Variants in NINL observed in about 807,000 individuals in gnomAD.
NINL encodes ninein like.
Under a neutral mutation model 160.3 loss-of-function variants are expected in NINL, and 153 were observed. The observed-to-expected ratio is 0.95, with a 90% confidence interval of 0.84 to 1.09. The LOEUF is 1.09. Among genes scored for constraint, NINL ranks in the 50% least tolerant of loss-of-function variants. The pLI is 0.00. For missense variants in NINL, 1,829 were observed against 1,764.0 expected, an observed-to-expected ratio of 1.04 and a Z score of -0.66; for synonymous variants, 800 against 734.8, an observed-to-expected ratio of 1.09 and a Z score of -1.43.
chr20:25,533,989 T>A (rs768225011), intron 1 of NINL, among the ~76,000 whole-genome samples: 2 of 152,150 alleles, frequency 1.3e-5, no homozygotes, highest in African/African-American at 2.4e-5. Context: ...ACATCAAACT[T>A]GAAAACTTGA....
At chr20:25,583,981 G>C (rs376025827) in intron 1 of NINL, among the ~76,000 whole-genome samples, 2 of 152,060 alleles carry the variant, frequency 1.3e-5, no homozygotes, top group South Asian at 2.1e-4. Context: ...GGGACCTGTC[G>C]GGGCGGGTGG....
chr20:25,537,210 G>A (rs184431867), intron 1 of NINL, among the ~76,000 whole-genome samples: 3 of 152,202 alleles, frequency 2.0e-5, no homozygotes, highest in African/African-American at 2.4e-5. Context: ...CAGCCCCCAA[G>A]CAGCTGGGAC....
intron 1 of NINL, among the ~76,000 whole-genome samples, chr20:25,574,335 G>A (rs2065090472): frequency 6.6e-6 from 1 of 151,670 alleles, no homozygotes; most frequent in Non-Finnish European, 1.5e-5. Flanking sequence ...GCTGGGCAAG[G>A]GCCTTGTGCC....
At chr20:25,469,385 CTCTCACTGGTGG>C (rs2063033243) in intron 18 of NINL, among the ~76,000 whole-genome samples, 1 of 142,042 alleles carries the variant, frequency 7.0e-6, no homozygotes, top group African/African-American at 2.9e-5. Flanking sequence ...GCCCCCCTGA[CTCTCACTGGTGG>C]CCCCCTGCCC....
Position 25,532,250 on chromosome 20 carries a change from C to T in NINL, c.-11-5652G>A, listed in dbSNP as rs907988015. 1.0e-4 allele frequency among the ~76,000 whole-genome samples: 16 copies of T among 152,382 alleles called. 1 individual carries two copies. The highest frequency in any genetic ancestry group is 2.9e-4 in the African/African-American group (12 of 41,594). The stretch of plus-strand genomic sequence containing the variant: ...GGCTCTCAGGAGGCCCCAGCCACAC[C>T]GCTTCCCTTCCTCCCAGAGCCCCAG... On this transcript the variant is annotated intron_variant, in intron 1 of 23. Coordinates refer to ENST00000278886, the MANE Select transcript of NINL (RefSeq NM_025176.6).
At chr20:25,578,170 C>T (rs1334616092) in intron 1 of NINL, among the ~76,000 whole-genome samples, 1 of 150,834 alleles carries the variant, frequency 6.6e-6, no homozygotes, top group Non-Finnish European at 1.5e-5. Context: ...TGCAGTAGCG[C>T]AATCTTGGCT....
intron 7 of NINL, among the ~76,000 whole-genome samples, chr20:25,502,188 G>A (rs1422823080): frequency 6.6e-6 from 1 of 151,866 alleles, no homozygotes; most frequent in South Asian, 2.1e-4. Context: ...TACCATGTTA[G>A]CCAGGCTGGT....
At chr20:25,534,723 A>G (rs1362493917) in intron 1 of NINL, among the ~76,000 whole-genome samples, 1 of 152,204 alleles carries the variant, frequency 6.6e-6, no homozygotes, top group African/African-American at 2.4e-5. Flanking sequence ...TCATCCCTCA[A>G]TATCCATAGG....
chr20:25,473,717 C>CACAT (rs1322291821), intron 17 of NINL, among the ~76,000 whole-genome samples: 1 of 136,236 alleles, frequency 7.3e-6, no homozygotes, highest in Non-Finnish European at 1.6e-5. Flanking sequence ...CACACACACA[C>CACAT]ATCAGCTGGG....
rs769411319 is a variant in NINL at position 25,458,385 on chromosome 20, G to A, written c.3841C>T (p.Arg1281Trp). 72 of 1,605,900 alleles carry A rather than the reference G, an allele frequency of 4.5e-5. No individual in the cohort carries two copies. Among genetic ancestry groups the A allele is most frequent in the African/African-American group, 5.3e-5 (4 of 74,832 alleles). ...EQARRRLDAQ[R>W]EEHEKQLKAT... is the part of the protein sequence containing the mutation. ...TCTCTCGCTGCATCCCCACTTACCC[G>A]CTGTGCATCCAGGCGCCTCCTGGCC... The change falls in exon 22 of 24, where the codon CGG becomes TGG. Residue 1281 changes from arginine to tryptophan, a missense_variant and splice_region_variant. By Grantham distance (101) the Arg-to-Trp change is moderately radical. Transcript: ENST00000278886.
At chr20:25,458,093 G>A (rs1270484836) in intron 22 of NINL, among the ~76,000 whole-genome samples, 1 of 152,114 alleles carries the variant, frequency 6.6e-6, no homozygotes, top group Non-Finnish European at 1.5e-5. Flanking sequence ...CCTGGAACAT[G>A]CCAAATACCC....
At chr20:25,477,766 G>A (rs762378849) in intron 16 of NINL, among the ~76,000 whole-genome samples, 12 of 152,152 alleles carry the variant, frequency 7.9e-5, no homozygotes, top group Non-Finnish European at 1.8e-4. Flanking sequence ...TGGGGGCCAG[G>A]TGCACAAGGG....
intron 17 of NINL, among the ~76,000 whole-genome samples, chr20:25,474,755 C>T (rs1436149204): frequency 6.6e-6 from 1 of 151,668 alleles, no homozygotes; most frequent in Admixed American, 6.6e-5. Flanking sequence ...GCTGGGACTA[C>T]AAGCGCATGC....
At chr20:25,458,334 C>T (rs762506657) in intron 22 of NINL, 49 bp downstream of exon 22, 3 of 1,600,410 alleles carry the variant, frequency 1.9e-6, no homozygotes, top group South Asian at 1.1e-5. Context: ...GGGCCCGCCT[C>T]ACCCTCCTCC....
chr20:25,580,520 C>T (rs1336622494), intron 1 of NINL, among the ~76,000 whole-genome samples: 1 of 152,102 alleles, frequency 6.6e-6, no homozygotes, highest in South Asian at 2.1e-4. Context: ...TTGAGGGAAA[C>T]GGGTCACCTC....
At chr20:25,572,283 AG>A (rs1040247294) in intron 1 of NINL, among the ~76,000 whole-genome samples, 7 of 147,772 alleles carry the variant, frequency 4.7e-5, no homozygotes, top group Non-Finnish European at 1.0e-4. Flanking sequence ...TTAAAGGTTG[AG>A]GGGAAAAAAA....
chr20:25,569,826 G>A (rs925733504), intron 1 of NINL, among the ~76,000 whole-genome samples: 11 of 152,122 alleles, frequency 7.2e-5, no homozygotes, highest in Non-Finnish European at 1.2e-4. Context: ...GAAATGTCAC[G>A]ACTGTCAAGG....
At chr20:25,497,746 C>T (rs1430864000) in intron 9 of NINL, among the ~76,000 whole-genome samples, 1 of 152,190 alleles carries the variant, frequency 6.6e-6, no homozygotes, top group Non-Finnish European at 1.5e-5. Flanking sequence ...AGCCCCCTGG[C>T]GCGAGAGGCA....
At chr20:25,486,466 G>A (rs2063505979) in intron 13 of NINL, among the ~76,000 whole-genome samples, 1 of 152,214 alleles carries the variant, frequency 6.6e-6, no homozygotes, top group African/African-American at 2.4e-5. Flanking sequence ...TCTAGGTTCT[G>A]AGTCTGCTCC....
Sources: gnomAD v4.1 joint callset for allele counts (sites outside exome capture counted in the v4.1 genomes callset) on GRCh38, gnomAD v4.1.1 for gene constraint, MANE v1.5 for transcripts, NCBI Gene and HGNC (gene_info 2026-07-23, HGNC 2026-07-21) for gene names.